Variants in SCN9A observed in about 807,000 individuals in gnomAD.
The protein encoded by SCN9A is sodium voltage-gated channel alpha subunit 9.
Under a neutral mutation model 187.0 loss-of-function variants are expected in SCN9A, and 131 were observed. That is an observed-to-expected ratio of 0.70 (90% CI 0.61 to 0.81). The LOEUF (loss-of-function observed/expected upper bound fraction) is 0.81. Ranked by LOEUF, SCN9A falls within the 30% of genes least tolerant of loss-of-function variation. The probability of loss-of-function intolerance (pLI) is 0.00; values close to 1 mark genes in which losing one functional copy is unlikely to be tolerated. For missense variants in SCN9A, 2,252 were observed against 2,396.6 expected (o/e 0.94, Z 1.26); for synonymous variants, 809 against 808.6 (o/e 1.00, Z -0.01).
chr2:166,210,731 C>G (rs1461586631), intron 24 of SCN9A, among the ~76,000 whole-genome samples: 3 of 151,818 alleles, frequency 2.0e-5, no homozygotes, highest in Non-Finnish European at 4.4e-5. Context: ...CATCTAAATT[C>G]AGGAAACTCA....
chr2:166,352,379 G>A (rs545229175), intron 1 of SCN9A, among the ~76,000 whole-genome samples: 1 of 152,106 alleles, frequency 6.6e-6, no homozygotes, highest in African/African-American at 2.4e-5. Context: ...AAGTTAAAAA[G>A]ATAAAACACC....
At chr2:166,250,276 T>C (rs776381982) in intron 18 of SCN9A, among the ~76,000 whole-genome samples, 2 of 152,170 alleles carry the variant, frequency 1.3e-5, no homozygotes, top group Non-Finnish European at 2.9e-5. Context: ...AGCCCATGAC[T>C]AGATAAGTCA....
At chr2:166,331,095 T>C (rs890213676) in intron 1 of SCN9A, among the ~76,000 whole-genome samples, 2 of 152,198 alleles carry the variant, frequency 1.3e-5, no homozygotes, top group Non-Finnish European at 2.9e-5. Flanking sequence ...AAATAAGTTG[T>C]CTCTGTATTA....
At chr2:166,202,200 A>AT (rs11417793) in intron 26 of SCN9A, among the ~76,000 whole-genome samples, 4,065 of 141,670 alleles carry the variant, frequency 0.029, 355 homozygotes, top group Admixed American at 0.18. Context: ...TTTCTTCTTC[A>AT]TTTTTTTTTT....
Position 166,198,905 on chromosome 2 carries a change from T to C in SCN9A, c.5734A>G (p.Ile1912Val), listed in dbSNP as rs1693336186. The C allele has an allele frequency of 6.2e-7, 1 of 1,613,784 alleles. No homozygotes were observed. The highest frequency in any genetic ancestry group is 1.1e-5 in the South Asian group (1 of 91,080). The stretch of plus-strand genomic sequence containing the variant: ...CCATCTTTTATGTATATACTTGATA[T>C]ATTTTTGACATTTTGCCTTAAGCGG... ...RYRLRQNVKN[I>V]SSIYIKDGDR... Residue 1912 changes from isoleucine (I) to valine (V), a missense_variant, in exon 27 of 27, where the codon ATA (isoleucine) becomes GTA (valine). Transcript: ENST00000642356.
At chr2:166,322,888 G>A (rs1376510533) in intron 1 of SCN9A, among the ~76,000 whole-genome samples, 1 of 152,024 alleles carries the variant, frequency 6.6e-6, no homozygotes, top group Non-Finnish European at 1.5e-5. Context: ...CAACTTTTCT[G>A]ATTCTAAAAA....
chr2:166,249,049 T>C (rs72881379), intron 18 of SCN9A, among the ~76,000 whole-genome samples: 25,873 of 152,026 alleles, frequency 0.17, 2,954 homozygotes, highest in Non-Finnish European at 0.23. Flanking sequence ...CCAAATGTTA[T>C]GCATATCCTC....
At chr2:166,206,745 C>T (rs115578518) in intron 24 of SCN9A, among the ~76,000 whole-genome samples, 3,150 of 152,206 alleles carry the variant, frequency 0.021, 120 homozygotes, top group African/African-American at 0.073. Context: ...TATTCCTTTA[C>T]ATAAAAAATG....
At chr2:166,242,705 A>C in intron 18 of SCN9A, 49 bp from the exon 19 acceptor site, 5 of 1,391,872 alleles carry the variant, frequency 3.6e-6, no homozygotes, top group Non-Finnish European at 4.9e-6. Context: ...GAATAAATAA[A>C]ATTTTTAATA....
intron 9 of SCN9A, among the ~76,000 whole-genome samples, chr2:166,291,386 C>G (rs747807690): frequency 1.3e-5 from 2 of 152,100 alleles, no homozygotes; most frequent in Admixed American, 6.5e-5. Context: ...TGAAAGACCT[C>G]TTCAAGAACT....
chr2:166,196,450 A>G lies in SCN9A; in HGVS notation c.*2222T>C, dbSNP rs199958892. ...GAAGAAATTGTGTTGTTAACAAACC[A>G]GTTGCCCATATTTTTTATTTTACAT... On this transcript the variant is annotated 3_prime_UTR_variant, in exon 27 of 27. Coordinates refer to ENST00000642356, the MANE Select transcript of SCN9A (RefSeq NM_001365536.1). 3.1e-4 allele frequency: 47 copies of G among 152,166 alleles called. No individual in the cohort carries two copies. Among genetic ancestry groups the G allele is most frequent in the Non-Finnish European group, 1.6e-4 (11 of 68,006 alleles). 9.4% of individuals were successfully genotyped at this position (152,166 alleles called of 1,614,324 possible).
chr2:166,322,640 G>A (rs575064964), intron 1 of SCN9A, among the ~76,000 whole-genome samples: 1 of 151,928 alleles, frequency 6.6e-6, no homozygotes, highest in East Asian at 1.9e-4. Flanking sequence ...CCTTGCTTTG[G>A]ATAATTTTAT....
chr2:166,238,620 G>A (rs2106404319), intron 19 of SCN9A, among the ~76,000 whole-genome samples: 1 of 152,256 alleles, frequency 6.6e-6, no homozygotes, highest in East Asian at 1.9e-4. Context: ...ATGATCCCAT[G>A]GCCAGCCACT....
intron 1 of SCN9A, among the ~76,000 whole-genome samples, chr2:166,363,774 C>T (rs1032922549): frequency 7.9e-5 from 12 of 151,866 alleles, no homozygotes; most frequent in African/African-American, 1.2e-4. Flanking sequence ...GAAAAATCTT[C>T]GAGACATTAG....
In SCN9A at chr2:166,277,305, G is replaced by T. The variant is rs1483004939; in HGVS notation, c.2552C>A (p.Thr851Lys). 1.2e-6 allele frequency: 2 copies of T among 1,611,002 alleles called. No individual in the cohort carries two copies. Among genetic ancestry groups the T allele is most frequent in the Non-Finnish European group, 1.7e-6 (2 of 1,177,520 alleles). ...AATGATCTTAATCAGCATGTTCAAT[G>T]TTGGCCAGGATTTTGCCAACTTGAA... ...RVFKLAKSWP[T>K]LNMLIKIIGN... Residue 851 changes from threonine (T) to lysine (K), a missense_variant, in exon 16 of 27, where the codon ACA (threonine) becomes AAA (lysine). Around this residue, in one of 7 missense-constraint regions of SCN9A, gnomAD observed 119 missense variants for 188.7 expected, o/e 0.63. Coordinates refer to ENST00000642356, the MANE Select transcript of SCN9A (RefSeq NM_001365536.1).
chr2:166,290,245 C>T (rs1697982981), intron 9 of SCN9A, among the ~76,000 whole-genome samples: 1 of 152,102 alleles, frequency 6.6e-6, no homozygotes, highest in South Asian at 2.1e-4. Flanking sequence ...AGGACATGAT[C>T]TCATTCTTTT....
chr2:166,284,364 A>C, intron 12 of SCN9A, 89 bp downstream of exon 12: 1 of 1,460,094 alleles, frequency 6.8e-7, no homozygotes. Context: ...AGAGCCATTC[A>C]CAAGACCAGA....
In SCN9A at chr2:166,280,491, T is replaced by C; in HGVS notation, c.2209A>G (p.Ile737Val). 6.3e-7 allele frequency: 1 copy of C among 1,586,556 alleles called. No individual in the cohort carries two copies. The highest frequency in any genetic ancestry group is 8.6e-7 in the Non-Finnish European group (1 of 1,163,778). Residue 737 changes from isoleucine to valine, a missense_variant, in exon 14 of 27, where the codon ATC (isoleucine) becomes GTC (valine). Physicochemically the swap from Ile to Val is conservative, Grantham distance 29. This residue lies in a region of SCN9A where 1,013 missense variants were observed against 997.4 expected (regional missense o/e 1.02). Transcript: ENST00000642356. ...SPYWIKFKKC[I>V]YFIVMDPFVD... ...AAAGGATCCATTACAATAAAATAGA[T>C]ACACTTTTTGAATTTTATCCAATAT...
chr2:166,257,000 T>C (rs1574818330), intron 17 of SCN9A, among the ~76,000 whole-genome samples: 2 of 151,626 alleles, frequency 1.3e-5, no homozygotes, highest in East Asian at 3.9e-4. Flanking sequence ...GGCTACAGAT[T>C]TCTCAGCCAG....
Sources: allele counts gnomAD v4.1 joint callset (sites outside exome capture counted in the v4.1 genomes callset), GRCh38; gene constraint gnomAD v4.1.1; regional missense constraint gnomAD v4.1.1; transcripts MANE v1.5; gene names NCBI Gene and HGNC (gene_info 2026-07-23, HGNC 2026-07-21).